The following ZNF112 variants were observed in gnomAD, a reference collection of about 807,000 sequenced individuals.
The protein encoded by ZNF112 is zinc finger protein 112.
In ZNF112, 37 loss-of-function variants were observed where a neutral mutation model predicts 77.7. The observed-to-expected ratio is 0.48, with a 90% CI of 0.37 to 0.63. The LOEUF is 0.63. Among genes scored for constraint, ZNF112 ranks in the 20% least tolerant of loss-of-function variants. ZNF112 has a pLI of 0.00. For missense variants in ZNF112, 950 were observed against 1,077.4 expected, an observed-to-expected ratio of 0.88 and a Z score of 1.66; for synonymous variants, 333 against 363.6, an observed-to-expected ratio of 0.92 and a Z score of 0.96.
rs1162103306 is a variant in ZNF112, at chr19:44,340,397, T to C, written c.124+19A>G. The C allele has an allele frequency of 1.2e-6, 2 of 1,611,982 alleles. No individual in the cohort carries two copies. The highest frequency in any genetic ancestry group is 8.5e-7 in the Non-Finnish European group (1 of 1,179,268). On this transcript the variant is annotated intron_variant, in intron 2 of 3. Coordinates refer to ENST00000354340, the MANE Select transcript of ZNF112 (RefSeq NM_013380.4). ...CCCCAGGAGGCTGCCATTGAGTAAC[T>C]AAGGGCACCTATCCTCACCTACTAA...
chr19:44,343,387 T>A (rs1970528118), intron 1 of ZNF112: 1 of 1,139,032 alleles, frequency 8.8e-7, no homozygotes, highest in Non-Finnish European at 1.3e-6. Flanking sequence ...AAGGTGTCCC[T>A]TCCCCCAGCA....
At chr19:44,330,516 A>T (rs932971886) in intron 3 of ZNF112, among the ~76,000 whole-genome samples, 3 of 152,128 alleles carry the variant, frequency 2.0e-5, no homozygotes, top group African/African-American at 7.2e-5. Flanking sequence ...CGGGTGGATC[A>T]CCTGAAGTCA....
At chr19:44,359,294 C>T (rs1268579852), upstream of ZNF112, among the ~76,000 whole-genome samples, 2 of 132,860 alleles carry the variant, frequency 1.5e-5, no homozygotes, top group Non-Finnish European at 3.2e-5. Flanking sequence ...GCAGTTGCTG[C>T]TTCCATCATA....
intron 3 of ZNF112, among the ~76,000 whole-genome samples, chr19:44,334,647 T>C (rs953638304): frequency 1.3e-5 from 2 of 152,250 alleles, no homozygotes; most frequent in African/African-American, 4.8e-5. Flanking sequence ...GCACCCTGCA[T>C]TGTAGCTGCT....
In ZNF112 at chr19:44,329,700, A is replaced by G; in HGVS notation, c.457T>C (p.Phe153Leu). The G allele has an allele frequency of 2.5e-6, 4 of 1,614,076 alleles. No individual in the cohort carries two copies. Among genetic ancestry groups the G allele is most frequent in the Non-Finnish European group, 3.4e-6 (4 of 1,179,980 alleles). ...VQISEDKNYI[F>L]THIGNGSNYI... ...TTGGAGCCATTCCCTATATGAGTGA[A>G]TATATAGTTCTTATCTTCAGAAATC... The change falls in exon 4 of 4, where the codon TTC (phenylalanine) becomes CTC (leucine). Residue 153 changes from phenylalanine (F) to leucine (L), a missense_variant. This residue lies in a region of ZNF112 where 560 missense variants were observed against 557.3 expected (regional missense o/e 1.00). Coordinates refer to ENST00000354340, the MANE Select transcript of ZNF112 (RefSeq NM_013380.4).
At chr19:44,348,586 A>G (rs1970637459) in intron 1 of ZNF112, among the ~76,000 whole-genome samples, 1 of 152,150 alleles carries the variant, frequency 6.6e-6, no homozygotes, top group Non-Finnish European at 1.5e-5. Context: ...TTAAAGTAGA[A>G]ATGAACAAGA....
intron 3 of ZNF112, 137 bp downstream of exon 3, chr19:44,336,486 G>C (rs1298357891): frequency 3.0e-6 from 2 of 674,210 alleles, no homozygotes; most frequent in Non-Finnish European, 5.1e-6. Context: ...GGACCTAATA[G>C]ACCACTTTAA....
Position 44,329,141 on chromosome 19 carries a change from G to A in ZNF112, c.1016C>T (p.Pro339Leu). The change falls in exon 4 of 4, where the codon CCT (proline) becomes CTT (leucine). Residue 339 changes from proline to leucine, a missense_variant. This residue lies in a region of ZNF112 where 560 missense variants were observed against 557.3 expected (regional missense o/e 1.00). Transcript: ENST00000354340. ...EYGENFNHCS[P>L]LNTYELIHTG... is the part of the protein sequence containing the mutation. ...GTGGATAAGTTCATAAGTGTTAAGA[G>A]GGGAACAGTGATTGAAGTTCTCACC... 7 of 1,613,878 alleles carry A rather than the reference G, an allele frequency of 4.3e-6. No homozygotes were observed. The highest frequency in any genetic ancestry group is 5.9e-6 in the Non-Finnish European group (7 of 1,179,982).
intron 2 of ZNF112, among the ~76,000 whole-genome samples, chr19:44,338,165 A>AT (rs1970423639): frequency 6.6e-6 from 1 of 152,118 alleles, no homozygotes; most frequent in African/African-American, 2.4e-5. Flanking sequence ...AATTACAGTA[A>AT]TAAACTATAA....
At chr19:44,358,794 C>T (rs539013181), upstream of ZNF112, among the ~76,000 whole-genome samples, 7 of 152,240 alleles carry the variant, frequency 4.6e-5, no homozygotes, top group South Asian at 1.5e-3. Flanking sequence ...TGTCTCATCT[C>T]CAAACCCACC....
upstream of ZNF112, among the ~76,000 whole-genome samples, chr19:44,359,312 GTTC>G (rs1970830145): frequency 4.9e-5 from 5 of 101,492 alleles, no homozygotes; most frequent in Non-Finnish European, 7.6e-5. Flanking sequence ...ATATATTAGA[GTTC>G]TTTTTTTTTT....
intron 1 of ZNF112, chr19:44,341,199 T>C (rs909220440): frequency 6.1e-5 from 28 of 456,564 alleles, no homozygotes; most frequent in African/African-American, 4.4e-4. Flanking sequence ...AAATGTTAGC[T>C]ACATTATTAA....
intron 1 of ZNF112, among the ~76,000 whole-genome samples, chr19:44,348,107 A>C (rs759910366): frequency 2.0e-5 from 3 of 152,124 alleles, no homozygotes; most frequent in Non-Finnish European, 4.4e-5. Context: ...CATTTTCTCT[A>C]GCTGTATTCA....
At chr19:44,337,858 C>A (rs150509354) in intron 2 of ZNF112, among the ~76,000 whole-genome samples, 28,742 of 149,870 alleles carry the variant, frequency 0.19, 3,470 homozygotes, top group African/African-American at 0.32. Flanking sequence ...CACACACACA[C>A]ACACACACAC....
intron 1 of ZNF112, among the ~76,000 whole-genome samples, chr19:44,348,850 C>T (rs1970642644): frequency 6.6e-6 from 1 of 151,664 alleles, no homozygotes; most frequent in African/African-American, 2.4e-5. Context: ...TAAAGGCAAA[C>T]AGAAAAAAAG....
rs372835622 is a variant in ZNF112 at position 44,329,628 on chromosome 19, A to T, written c.529T>A (p.Trp177Arg). 4.3e-6 allele frequency: 7 copies of T among 1,614,020 alleles called. No homozygotes were observed. In the African/African-American group the frequency reaches 9.3e-5, roughly 22 times the overall value. ...GYPSWRAHHS[W>R]RKMYLKESHN... ...GACTCTTTCAGATACATTTTCCTCC[A>T]AGAATGATGTGCCCTCCAAGATGGA... Residue 177 changes from tryptophan (W) to arginine (R), a missense_variant, in exon 4 of 4, where the codon TGG (tryptophan) becomes AGG (arginine). Physicochemically the swap from Trp to Arg is moderately radical, Grantham distance 101 (BLOSUM62 -3). Coordinates refer to ENST00000354340, the MANE Select transcript of ZNF112 (RefSeq NM_013380.4).
At chr19:44,343,314 G>T (rs369999579) in intron 1 of ZNF112, 2 of 1,585,102 alleles carry the variant, frequency 1.3e-6, no homozygotes, top group Non-Finnish European at 1.7e-6. Flanking sequence ...TGAGAAGGCA[G>T]AACAGGGTAA....
In ZNF112 at chr19:44,329,353, C is replaced by T. The variant is rs4325673; in HGVS notation, c.804G>A (p.Glu268=). The change falls in exon 4 of 4, where the codon GAG becomes GAA. Residue 268 remains glutamate, a synonymous_variant. Coordinates refer to ENST00000354340, the MANE Select transcript of ZNF112 (RefSeq NM_013380.4). ...RKAFSNDSSS[E]VHQQFHLEGK... ...CTTCCAAGTGGAACTGCTGATGAAC[C>T]TCAGAGCTGGAGTCATTACTGAAGG... 1,120,246 of 1,613,770 alleles carry T rather than the reference C, an allele frequency of 0.69. 390,351 individuals are homozygous for T. The highest frequency in any genetic ancestry group is 0.79 in the Admixed American group (47,091 of 59,978).
chr19:44,327,486 C>G lies in ZNF112; in HGVS notation c.2671G>C (p.Asp891His). The G allele has an allele frequency of 6.2e-7, 1 of 1,611,486 alleles. No homozygotes were observed. The highest frequency in any genetic ancestry group is 8.5e-7 in the Non-Finnish European group (1 of 1,178,944). Residue 891 changes from aspartate to histidine, a missense_variant, in exon 4 of 4, where the codon GAC (aspartate) becomes CAC (histidine). This residue lies in a region of ZNF112 where 373 missense variants were observed against 482.8 expected (regional missense o/e 0.77). Transcript: ENST00000354340. ...KFYKSEDYGK[D>H]YPSSENLHRN... ...TGTAGATTCTCTGATGAAGGGTAGT[C>G]CTTACCATAGTCTTCGCTTTTATAG...
Sources: allele counts gnomAD v4.1 joint callset (sites outside exome capture counted in the v4.1 genomes callset), GRCh38; gene constraint gnomAD v4.1.1; regional missense constraint gnomAD v4.1.1; transcripts MANE v1.5; gene names NCBI Gene and HGNC (gene_info 2026-07-23, HGNC 2026-07-21).